Variants in CPNE4 observed in about 807,000 individuals in gnomAD.
CPNE4 encodes copine 4.
In CPNE4, 25 loss-of-function variants were observed where a neutral mutation model predicts 67.9. The ratio of observed to expected loss-of-function variants is 0.37; its 90% CI spans 0.27 to 0.51. CPNE4 has a LOEUF of 0.51. Ranked by LOEUF, CPNE4 falls within the 20% of genes least tolerant of loss-of-function variation. The pLI is 0.93. For missense variants in CPNE4, 464 were observed against 690.8 expected, an observed-to-expected ratio of 0.67 and a Z score of 3.68; for synonymous variants, 242 against 244.9, an observed-to-expected ratio of 0.99 and a Z score of 0.11.
intron 1 of CPNE4, among the ~76,000 whole-genome samples, chr3:131,960,775 A>G (rs890249830): frequency 5.3e-5 from 8 of 151,846 alleles, no homozygotes; most frequent in Admixed American, 3.9e-4. Flanking sequence ...CATCCCACTT[A>G]CCCTGACCAA....
intron 7 of CPNE4, among the ~76,000 whole-genome samples, chr3:131,619,455 G>T (rs1166221007): frequency 6.6e-6 from 1 of 152,006 alleles, no homozygotes; most frequent in African/African-American, 2.4e-5. Context: ...GAGACATGAA[G>T]GGCGGTAAGA....
chr3:131,566,032 G>T (rs1937040606), intron 10 of CPNE4, among the ~76,000 whole-genome samples: 1 of 151,906 alleles, frequency 6.6e-6, no homozygotes, highest in African/African-American at 2.4e-5. Flanking sequence ...AGGGCTTGGA[G>T]TTGGGTTTAA....
intron 2 of CPNE4, among the ~76,000 whole-genome samples, chr3:131,881,524 G>A (rs1335326466): frequency 7.2e-5 from 11 of 151,936 alleles, no homozygotes; most frequent in Non-Finnish European, 1.6e-4. Context: ...GTTCTTGGTG[G>A]TCTTTGGCTG....
At chr3:131,832,507 A>G (rs1441909929) in intron 2 of CPNE4, among the ~76,000 whole-genome samples, 1 of 152,204 alleles carries the variant, frequency 6.6e-6, no homozygotes, top group African/African-American at 2.4e-5. Context: ...CAAGACATCA[A>G]GCCAGAGAGG....
intron 3 of CPNE4, among the ~76,000 whole-genome samples, chr3:131,716,049 T>A: frequency 6.6e-6 from 1 of 152,190 alleles, no homozygotes; most frequent in Non-Finnish European, 1.5e-5. Flanking sequence ...TCAGCCTTCT[T>A]TGCTTTATTT....
At chr3:131,929,946 A>G (rs147217517) in intron 1 of CPNE4, among the ~76,000 whole-genome samples, 1 of 152,290 alleles carries the variant, frequency 6.6e-6, no homozygotes, top group Non-Finnish European at 1.5e-5. Context: ...AGCACCATGT[A>G]TAAGATCCAC....
Position 132,034,869 on chromosome 3 carries a change from G to C in CPNE4, c.-304C>G, listed in dbSNP as rs1190968233. The C allele has an allele frequency of 2.0e-6, 2 of 985,286 alleles. No homozygotes were observed. The highest frequency in any genetic ancestry group is 4.7e-5 in the South Asian group (1 of 21,266). 61.0% of individuals were successfully genotyped at this position (985,286 alleles called of 1,614,324 possible). On this transcript the variant is annotated 5_prime_UTR_variant, in exon 1 of 16. Coordinates refer to ENST00000429747, the MANE Select transcript of CPNE4 (RefSeq NM_130808.3). Reference sequence around the variant, plus strand: ...TGTCAGGTCGGCTCTCAGTTAACTCGGAGAGTAAAGAGGAGGGTACTGAGA... The same window carrying C: ...TGTCAGGTCGGCTCTCAGTTAACTCCGAGAGTAAAGAGGAGGGTACTGAGA...
intron 7 of CPNE4, among the ~76,000 whole-genome samples, chr3:131,636,935 CA>C (rs571295963): frequency 1.6e-4 from 25 of 152,268 alleles, no homozygotes; most frequent in African/African-American, 5.5e-4. Flanking sequence ...CCCAGAAAAG[CA>C]TAAACAATCA....
intron 14 of CPNE4, among the ~76,000 whole-genome samples, chr3:131,547,871 C>T (rs115939846): frequency 2.0e-4 from 30 of 152,220 alleles, no homozygotes; most frequent in African/African-American, 7.0e-4. Context: ...TATGGGTCAC[C>T]TGATGGATGT....
chr3:131,888,451 T>C (rs2087981418), intron 2 of CPNE4, among the ~76,000 whole-genome samples: 8 of 152,128 alleles, frequency 5.3e-5, no homozygotes, highest in Admixed American at 4.6e-4. Context: ...AAAGGAGCTC[T>C]TGAAATATAG....
intron 2 of CPNE4, among the ~76,000 whole-genome samples, chr3:131,890,105 A>G (rs1000432432): frequency 6.6e-6 from 1 of 152,144 alleles, no homozygotes; most frequent in Non-Finnish European, 1.5e-5. Flanking sequence ...TCAAACCAAA[A>G]AGTTTATGCG....
intron 7 of CPNE4, among the ~76,000 whole-genome samples, chr3:131,654,672 C>G (rs2079905401): frequency 6.6e-6 from 1 of 152,174 alleles, no homozygotes; most frequent in Admixed American, 6.5e-5. Flanking sequence ...TGTTTCTCAA[C>G]TGGCCCCAAC....
chr3:131,541,209 T>C (rs999910917), intron 15 of CPNE4, among the ~76,000 whole-genome samples: 3 of 152,198 alleles, frequency 2.0e-5, no homozygotes, highest in African/African-American at 7.2e-5. Flanking sequence ...TAGGATACTC[T>C]AGAGGGGTCT....
chr3:131,792,813 AGTGT>A (rs556139089), intron 2 of CPNE4, among the ~76,000 whole-genome samples: 21 of 142,486 alleles, frequency 1.5e-4, no homozygotes, highest in African/African-American at 5.5e-4. Flanking sequence ...ATATATGTGG[AGTGT>A]GTGTGTATAA....
In CPNE4 at chr3:131,723,339, ACAAT is replaced by A. The variant is rs1215582586; in HGVS notation, c.360+103_360+106del. The A allele has an allele frequency of 4.0e-6, 4 of 1,009,518 alleles. No homozygotes were observed. In the African/African-American group the frequency reaches 6.5e-5, roughly 16 times the overall value. 62.5% of individuals were successfully genotyped at this position (1,009,518 alleles called of 1,614,324 possible). ...TAAAATGCTGCATGTTAAAGAAAATACAATCAATAGGAAAAAGCAAGGATTAGAT... is the reference window on the plus strand; with the variant it reads ...TAAAATGCTGCATGTTAAAGAAAATACAATAGGAAAAAGCAAGGATTAGAT... On this transcript the variant is annotated intron_variant, in intron 3 of 15. Coordinates refer to ENST00000429747, the MANE Select transcript of CPNE4 (RefSeq NM_130808.3).
At chr3:131,928,906 TTACC>T (rs968477805) in intron 1 of CPNE4, among the ~76,000 whole-genome samples, 2 of 152,140 alleles carry the variant, frequency 1.3e-5, no homozygotes, top group Admixed American at 1.3e-4. Context: ...CTTCTGATAT[TTACC>T]ATAAGTGAGG....
At chr3:131,651,093 C>T (rs1159784347) in intron 7 of CPNE4, among the ~76,000 whole-genome samples, 2 of 152,134 alleles carry the variant, frequency 1.3e-5, no homozygotes, top group African/African-American at 4.8e-5. Context: ...AAAATAGATA[C>T]AGTTTATAAA....
chr3:131,676,029 CTATTATTATTATTAT>C lies in CPNE4; in HGVS notation c.592-6280_592-6266del, dbSNP rs34007329. Among the ~76,000 whole-genome samples, 3,672 of 138,490 alleles carry C rather than the reference CTATTATTATTATTAT, an allele frequency of 0.027. 290 individuals are homozygous for C. In the East Asian group the frequency reaches 0.28, roughly 10 times the overall value. 90.9% of individuals were successfully genotyped at this position (138,490 alleles called of 152,430 possible). ...AGGCTTGCAAATATTATGTTATAAC[CTATTATTATTATTAT>C]TATTATTATTATTATTATTATTATT... On this transcript the variant is annotated intron_variant, in intron 6 of 15. Transcript: ENST00000429747.
chr3:131,846,352 A>G (rs1046734400), intron 2 of CPNE4, among the ~76,000 whole-genome samples: 4 of 152,256 alleles, frequency 2.6e-5, no homozygotes, highest in African/African-American at 9.6e-5. Flanking sequence ...TATATTTCCA[A>G]CACTCTTGAG....
Sources: allele counts gnomAD v4.1 joint callset (sites outside exome capture counted in the v4.1 genomes callset), GRCh38; gene constraint gnomAD v4.1.1; transcripts MANE v1.5; gene names NCBI Gene and HGNC (gene_info 2026-07-23, HGNC 2026-07-21).